MEGF9: variants seen among roughly 807,000 people sequenced by gnomAD.
MEGF9 encodes multiple EGF like domains 9.
Under a neutral mutation model 46.8 loss-of-function variants are expected in MEGF9, and 6 were observed. The ratio of observed to expected loss-of-function variants is 0.13; its 90% CI spans 0.07 to 0.25. The LOEUF (loss-of-function observed/expected upper bound fraction) is 0.25, where lower values mean the gene tolerates loss of function less well. Ranked by LOEUF, MEGF9 falls within the 10% of genes least tolerant of loss-of-function variation. The pLI, the probability that MEGF9 is intolerant of heterozygous loss-of-function variation, is 1.00. For synonymous variants in MEGF9, 302 were observed against 330.7 expected, an observed-to-expected ratio of 0.91 and a Z score of 0.94; for missense variants, 683 against 792.4, an observed-to-expected ratio of 0.86 and a Z score of 1.66.
At chr9:120,678,327 T>C (rs1047294527) in intron 1 of MEGF9, among the ~76,000 whole-genome samples, 1 of 152,242 alleles carries the variant, frequency 6.6e-6, no homozygotes, top group African/African-American at 2.4e-5. Context: ...ATGGATTGTA[T>C]TGTAGCTCTA....
At chr9:120,684,307 G>T (rs2043811778) in intron 1 of MEGF9, among the ~76,000 whole-genome samples, 2 of 152,148 alleles carry the variant, frequency 1.3e-5, no homozygotes, top group South Asian at 2.1e-4. Context: ...ACACTCCAAG[G>T]TCGAAAATAT....
chr9:120,623,304 TC>T (rs1022726966), intron 2 of MEGF9, among the ~76,000 whole-genome samples: 1 of 152,144 alleles, frequency 6.6e-6, no homozygotes, highest in Middle Eastern at 3.2e-3. Context: ...ATTCTGTAGA[TC>T]CAAAGCATTA....
chr9:120,701,179 C>T (rs918569757), intron 1 of MEGF9, among the ~76,000 whole-genome samples: 2 of 151,582 alleles, frequency 1.3e-5, no homozygotes, highest in Non-Finnish European at 1.5e-5. Flanking sequence ...ATATGATATC[C>T]TCCTTGTAGT....
Position 120,673,584 on chromosome 9 carries a change from C to CT in MEGF9, c.602-14010dup, listed in dbSNP as rs146146395. On this transcript the variant is annotated intron_variant, in intron 1 of 5. Coordinates refer to ENST00000373930, the MANE Select transcript of MEGF9 (RefSeq NM_001080497.3). ...AAGGCAATTCAATGGAGAAAGGATG[C>CT]TTTTTTTTTTTTAAATAAATGGTGT... Among the ~76,000 whole-genome samples the CT allele has an allele frequency of 6.7e-4, 96 of 142,798 alleles. No homozygotes were observed. The South Asian group carries it at 0.01, about 15-fold the overall frequency. The allele number at this position is 142,798 out of a possible 152,430, so 93.7% of individuals were successfully genotyped here.
At chr9:120,618,105 G>C (rs1261827038) in intron 3 of MEGF9, among the ~76,000 whole-genome samples, 1 of 152,164 alleles carries the variant, frequency 6.6e-6, no homozygotes, top group African/African-American at 2.4e-5. Context: ...TATATAGATG[G>C]CATTTAAATT....
Position 120,714,286 on chromosome 9 carries a change from C to T in MEGF9, c.73G>A (p.Ala25Thr). 4 of 1,121,294 alleles carry T rather than the reference C, an allele frequency of 3.6e-6. No homozygotes were observed. Among genetic ancestry groups the T allele is most frequent in the South Asian group, 3.3e-5 (1 of 30,616 alleles). 69.5% of individuals were successfully genotyped at this position (1,121,294 alleles called of 1,614,324 possible). The change falls in exon 1 of 6, where the codon GCC becomes ACC. Residue 25 changes from alanine (A) to threonine (T), a missense_variant. Ala to Thr is a moderately conservative substitution (Grantham distance 58). Transcript: ENST00000373930. ...GCGACGGCGGCGGCGGCGGCGGCGG[C>T]GGCGCAGCACAACAGGGCGAGGCCG... ...LGGLALLCCA[A>T]AAAAAAVASA...
intron 2 of MEGF9, among the ~76,000 whole-genome samples, chr9:120,642,313 C>T (rs2043606589): frequency 6.6e-6 from 1 of 152,198 alleles, no homozygotes; most frequent in African/African-American, 2.4e-5. Flanking sequence ...CCACAGCTAG[C>T]CTTGCACTTA....
chr9:120,701,379 G>T (rs2043904377), intron 1 of MEGF9, among the ~76,000 whole-genome samples: 2 of 152,114 alleles, frequency 1.3e-5, no homozygotes, highest in African/African-American at 2.4e-5. Flanking sequence ...GTAAATAAAG[G>T]TTATTTAACA....
intron 3 of MEGF9, among the ~76,000 whole-genome samples, chr9:120,619,886 T>C (rs1033797196): frequency 1.3e-5 from 2 of 152,046 alleles, no homozygotes; most frequent in Non-Finnish European, 2.9e-5. Context: ...AGCAAAACAG[T>C]AGAGGGGGTG....
intron 2 of MEGF9, among the ~76,000 whole-genome samples, chr9:120,624,248 T>C (rs1157037235): frequency 6.6e-6 from 1 of 152,184 alleles, no homozygotes; most frequent in Non-Finnish European, 1.5e-5. Flanking sequence ...GTTTTTGTTT[T>C]TTGAGAAAGG....
chr9:120,644,601 C>T (rs771381664), intron 2 of MEGF9, among the ~76,000 whole-genome samples: 1 of 152,188 alleles, frequency 6.6e-6, no homozygotes, highest in East Asian at 1.9e-4. Context: ...CCAGTTTCTG[C>T]CACTTATTAG....
intron 3 of MEGF9, among the ~76,000 whole-genome samples, chr9:120,618,877 G>A (rs2043484963): frequency 2.0e-5 from 3 of 149,700 alleles, no homozygotes; most frequent in African/African-American, 7.4e-5. Flanking sequence ...CCAGCCTGGT[G>A]ACAGAGCAAG....
chr9:120,679,047 G>A (rs939447063), intron 1 of MEGF9, among the ~76,000 whole-genome samples: 11 of 152,168 alleles, frequency 7.2e-5, no homozygotes, highest in Non-Finnish European at 1.0e-4. Flanking sequence ...CTAGTTCAAC[G>A]ATTTTAGAAG....
chr9:120,672,326 G>A (rs536832602), intron 1 of MEGF9, among the ~76,000 whole-genome samples: 4 of 152,146 alleles, frequency 2.6e-5, no homozygotes, highest in African/African-American at 4.8e-5. Flanking sequence ...GTAGTAGCTC[G>A]ACACGTATAA....
At chr9:120,679,794 C>A (rs181500552) in intron 1 of MEGF9, among the ~76,000 whole-genome samples, 9 of 151,914 alleles carry the variant, frequency 5.9e-5, no homozygotes, top group African/African-American at 2.2e-4. Context: ...AAAAATTAGC[C>A]GGGTGTGGTG....
chr9:120,656,848 C>T (rs1025043070), intron 2 of MEGF9, among the ~76,000 whole-genome samples: 2 of 152,052 alleles, frequency 1.3e-5, no homozygotes, highest in Admixed American at 6.6e-5. Flanking sequence ...TTTGGGAGGC[C>T]AACGCAGGAG....
intron 3 of MEGF9, among the ~76,000 whole-genome samples, chr9:120,620,810 A>G (rs556186578): frequency 2.6e-4 from 39 of 152,264 alleles, no homozygotes; most frequent in Middle Eastern, 3.4e-3. Flanking sequence ...AAAGAACGCC[A>G]CAAGATAAAA....
At position 120,713,653 on chromosome 9, in the gene MEGF9, G is replaced by C. The variant is rs533510594; in HGVS notation, c.601+105C>G. Reference sequence around the variant, plus strand: ...CCCCCCTCGGGAGCCGGAACCTGGGGTGTCTTTGGGGTAACAAACGATAAA... The same window carrying C: ...CCCCCCTCGGGAGCCGGAACCTGGGCTGTCTTTGGGGTAACAAACGATAAA... On this transcript the variant is annotated intron_variant, in intron 1 of 5. Coordinates refer to ENST00000373930, the MANE Select transcript of MEGF9 (RefSeq NM_001080497.3). 7 of 1,231,264 alleles carry C rather than the reference G, an allele frequency of 5.7e-6. No individual in the cohort carries two copies. In the African/African-American group the frequency reaches 9.3e-5, roughly 16 times the overall value. The allele number at this position is 1,231,264 out of a possible 1,614,324, so 76.3% of individuals were successfully genotyped here.
At chr9:120,612,647 T>C (rs2043454125) in intron 3 of MEGF9, 108 bp from the exon 4 acceptor site, 4 of 968,768 alleles carry the variant, frequency 4.1e-6, no homozygotes, top group Non-Finnish European at 6.0e-6. Context: ...GAAAAACTAA[T>C]AGGGATTGGA....
Sources: gnomAD v4.1 joint callset for allele counts (sites outside exome capture counted in the v4.1 genomes callset) on GRCh38, gnomAD v4.1.1 for gene constraint, MANE v1.5 for transcripts, NCBI Gene and HGNC (gene_info 2026-07-23, HGNC 2026-07-21) for gene names.